MDFI: variants seen among roughly 807,000 people sequenced by gnomAD.
MDFI encodes inhibitor of MyoD family a.
In MDFI, 16 loss-of-function variants were observed where a neutral mutation model predicts 22.3. The ratio of observed to expected loss-of-function variants is 0.72; its 90% CI spans 0.49 to 1.09. The LOEUF is 1.09. MDFI is among the 50% of genes least tolerant of loss of function. MDFI has a pLI of 0.00. For missense variants in MDFI, 314 were observed against 326.1 expected (o/e 0.96, Z 0.29); for synonymous variants, 145 against 142.7 (o/e 1.02, Z -0.12).
In MDFI at chr6:41,649,769, C is replaced by T. The variant is rs1768196035; in HGVS notation, c.410C>T (p.Ala137Val). The T allele has an allele frequency of 6.2e-7, 1 of 1,614,012 alleles. No individual in the cohort carries two copies. The highest frequency in any genetic ancestry group is 8.5e-7 in the Non-Finnish European group (1 of 1,180,024). Reference sequence around the variant, plus strand: ...AAGTTGCAGACACACCCATCTCTCGCCAGCCAGGGCAGCAAGAAGAGTAAG... The same window carrying T: ...AAGTTGCAGACACACCCATCTCTCGTCAGCCAGGGCAGCAAGAAGAGTAAG... ...HRKLQTHPSLASQGSKKSKSS... is the reference protein window; with the variant it reads ...HRKLQTHPSLVSQGSKKSKSS... The change falls in exon 4 of 5, where the codon GCC becomes GTC. Residue 137 changes from alanine (A) to valine (V), a missense_variant. Transcript: ENST00000230321.
Position 41,653,851 on chromosome 6 carries a change from G to C in MDFI, c.*276G>C. The C allele has an allele frequency of 4.7e-6, 2 of 426,002 alleles. No individual in the cohort carries two copies. The highest frequency in any genetic ancestry group is 8.8e-6 in the Non-Finnish European group (2 of 227,172). 26.4% of individuals were successfully genotyped at this position (426,002 alleles called of 1,614,324 possible). A position where few individuals can be genotyped will look rare whatever the true frequency, so the allele number is the denominator to read the frequency against. On this transcript the variant is annotated 3_prime_UTR_variant, in exon 5 of 5. Coordinates refer to ENST00000230321, the MANE Select transcript of MDFI (RefSeq NM_005586.4). This position sits in a 1 kb window ranked among gnomAD's most constrained non-coding sequence, Gnocchi z 4.2. ...TCATACATTGCTGAGGACCTGACAG[G>C]ACAACCTAGGGGCAGGGCTGGGGTG...
At chr6:41,637,615 G>T (rs1406925657), upstream of MDFI, among the ~76,000 whole-genome samples, 1 of 151,992 alleles carries the variant, frequency 6.6e-6, no homozygotes, top group African/African-American at 2.4e-5. This position sits in a 1 kb window ranked among gnomAD's most constrained non-coding sequence, Gnocchi z 6.8. Flanking sequence ...CGCGCTGAGG[G>T]CCCCTGAACC....
chr6:41,645,506 A>G (rs1467614998), intron 2 of MDFI, among the ~76,000 whole-genome samples: 4 of 151,390 alleles, frequency 2.6e-5, no homozygotes, highest in Non-Finnish European at 5.9e-5. Context: ...CTCTATCATC[A>G]TCCTCTCTGA....
chr6:41,646,104 C>T (rs1267955060), intron 2 of MDFI, 22 bp from the exon 3 acceptor site: 5 of 1,446,488 alleles, frequency 3.5e-6, no homozygotes, highest in Non-Finnish European at 9.1e-7. Flanking sequence ...AAATGGACCT[C>T]AGTCATCTGC....
intron 3 of MDFI, among the ~76,000 whole-genome samples, chr6:41,648,529 GACATCTCCTAC>G (rs1768142218): frequency 6.6e-6 from 1 of 152,148 alleles, no homozygotes; most frequent in African/African-American, 2.4e-5. Context: ...GGGCCCCCAA[GACATCTCCTAC>G]ACAATTCACA....
chr6:41,653,142 C>A lies in MDFI; in HGVS notation c.485-177C>A, dbSNP rs1175658729. Among the ~76,000 whole-genome samples the A allele has an allele frequency of 6.6e-6, 1 of 152,184 alleles. No homozygotes were observed. Among genetic ancestry groups the A allele is most frequent in the African/African-American group, 2.4e-5 (1 of 41,440 alleles). ...CCGATGTGCTTAACTGTCTGTGCCT[C>A]GGGGTCATCACCTAGAAAATGGAGC... On this transcript the variant is annotated intron_variant, in intron 4 of 4. Transcript: ENST00000230321. This position sits in a 1 kb window ranked among gnomAD's most constrained non-coding sequence, Gnocchi z 4.2.
chr6:41,639,206 G>T, intron 2 of MDFI: 1 of 982,928 alleles, frequency 1.0e-6, no homozygotes, highest in Non-Finnish European at 1.2e-6. Flanking sequence ...GGGAGGGGGC[G>T]TTGTCTGAAT....
At chr6:41,637,774 C>T (rs1212655883), upstream of MDFI, among the ~76,000 whole-genome samples, 1 of 152,114 alleles carries the variant, frequency 6.6e-6, no homozygotes, top group Non-Finnish European at 1.5e-5. The surrounding 1 kb of genome is among the most constrained non-coding windows in gnomAD (Gnocchi z 6.8). Flanking sequence ...GTCTGGATCC[C>T]AAAGAAGGGC....
intron 4 of MDFI, 153 bp downstream of exon 4, chr6:41,649,996 G>T: frequency 1.4e-6 from 1 of 693,102 alleles, no homozygotes. Context: ...TGGAATCTCT[G>T]GTGGAGCTTA....
chr6:41,643,755 G>A (rs867992045), intron 2 of MDFI, among the ~76,000 whole-genome samples: 1 of 152,118 alleles, frequency 6.6e-6, no homozygotes, highest in Non-Finnish European at 1.5e-5. Context: ...ACAACCCCCT[G>A]ATGAGCATTT....
chr6:41,652,608 CTTTTTTTTTTT>C (rs3050047), intron 4 of MDFI, among the ~76,000 whole-genome samples: 1 of 84,406 alleles, frequency 1.2e-5, no homozygotes, highest in Middle Eastern at 0.011. Context: ...CTCTCCCTCT[CTTTTTTTTTTT>C]TTTTTTTTTT....
chr6:41,638,773 C>T lies in MDFI; in HGVS notation c.24C>T (p.Arg8=). 1 of 1,571,294 alleles carries T rather than the reference C, an allele frequency of 6.4e-7. No homozygotes were observed. The highest frequency in any genetic ancestry group is 1.2e-5 in the South Asian group (1 of 86,094). The change falls in exon 2 of 5, where the codon CGC becomes CGT. Residue 8 remains arginine (R), a synonymous_variant. Coordinates refer to ENST00000230321, the MANE Select transcript of MDFI (RefSeq NM_005586.4). The surrounding 1 kb of genome is among the most constrained non-coding windows in gnomAD (Gnocchi z 7.6). ...CGATGTACCAGGTGAGCGGCCAGCG[C>T]CCCTCTGGCTGCGACGCGCCCTATG... MYQVSGQ[R]PSGCDAPYGA...
intron 2 of MDFI, among the ~76,000 whole-genome samples, chr6:41,643,548 G>GGAAGGAAGGAAGGAA (rs1767929437): frequency 6.6e-5 from 5 of 75,346 alleles, no homozygotes; most frequent in Admixed American, 1.4e-4. Flanking sequence ...GAGGGAAGGA[G>GGAAGGAAGGAAGGAA]GGAAGGAAGG....
chr6:41,652,037 C>T (rs559826916), intron 4 of MDFI, among the ~76,000 whole-genome samples: 6 of 152,132 alleles, frequency 3.9e-5, no homozygotes, highest in Admixed American at 1.3e-4. Flanking sequence ...ATGAGGAAAC[C>T]GTGTAGTACA....
rs759949486 is a variant in MDFI at position 41,649,790 on chromosome 6, G to T, written c.431G>T (p.Ser144Ile). Residue 144 changes from serine (S) to isoleucine (I), a missense_variant, in exon 4 of 5, where the codon AGT (serine) becomes ATT (isoleucine). Coordinates refer to ENST00000230321, the MANE Select transcript of MDFI (RefSeq NM_005586.4). ...CTCGCCAGCCAGGGCAGCAAGAAGA[G>T]TAAGAGCAGCAGCAAATCCACCACC... ...PSLASQGSKK[S>I]KSSSKSTTSQ... is the part of the protein sequence containing the mutation. The T allele has an allele frequency of 6.2e-7, 1 of 1,614,098 alleles. No individual in the cohort carries two copies.
Position 41,646,173 on chromosome 6 carries a change from ACT to A in MDFI, c.126_127del (p.His43ProfsTer34). 1 of 1,582,264 alleles carries A rather than the reference ACT, an allele frequency of 6.3e-7. No individual in the cohort carries two copies. The highest frequency in any genetic ancestry group is 8.6e-7 in the Non-Finnish European group (1 of 1,164,846). On this transcript the variant is annotated frameshift_variant, in exon 3 of 5. Transcript: ENST00000230321. LOFTEE classifies it high-confidence loss of function. ...TGGGCTGGAGGTAGTAACAGGATCC[ACT>A]CACCCTGCGGAGGCAGCACCAGAGG... ...LPGLEVVTGSTHPAEAAPEEG... is the reference protein window; with the variant it reads ...LPGLEVVTGSXHPAEAAPEEG...
chr6:41,641,136 CT>C (rs1444639693), intron 2 of MDFI, among the ~76,000 whole-genome samples: 1 of 152,214 alleles, frequency 6.6e-6, no homozygotes, highest in Non-Finnish European at 1.5e-5. Flanking sequence ...ATTTCTTTCT[CT>C]TTCTCCTTCC....
intron 3 of MDFI, among the ~76,000 whole-genome samples, chr6:41,648,095 A>G (rs919168771): frequency 6.7e-6 from 1 of 149,376 alleles, no homozygotes; most frequent in Non-Finnish European, 1.5e-5. Context: ...AGCTTCTAGC[A>G]CTGTGCCTGG....
chr6:41,639,248 A>G (rs1299441351), intron 2 of MDFI: 2 of 985,360 alleles, frequency 2.0e-6, no homozygotes, highest in Non-Finnish European at 2.4e-6. Flanking sequence ...CAGCCCAACC[A>G]GAGCCCAGCG....
Sources: allele counts gnomAD v4.1 joint callset (sites outside exome capture counted in the v4.1 genomes callset), GRCh38; gene constraint gnomAD v4.1.1; non-coding constraint Gnocchi (gnomAD v3.1); transcripts MANE v1.5; gene names NCBI Gene and HGNC (gene_info 2026-07-23, HGNC 2026-07-21).